The following PRKG1 variants were observed in gnomAD, a reference collection of about 807,000 sequenced individuals.
PRKG1 encodes cGMP-dependent protein kinase 1.
PRKG1 carries 35 observed loss-of-function variants against 88.1 expected under a neutral mutation model. The observed-to-expected ratio is 0.40, with a 90% confidence interval of 0.30 to 0.53. The LOEUF (loss-of-function observed/expected upper bound fraction) is 0.53, where lower values mean the gene tolerates loss of function less well. PRKG1 is among the 20% of genes least tolerant of loss of function. PRKG1 has a pLI of 0.59. For synonymous variants in PRKG1, 303 were observed against 292.5 expected (o/e 1.04, Z -0.37); for missense variants, 540 against 839.8 (o/e 0.64, Z 4.41).
intron 12 of PRKG1, among the ~76,000 whole-genome samples, chr10:52,277,190 G>A (rs1318776704): frequency 6.6e-6 from 1 of 152,070 alleles, no homozygotes; most frequent in Non-Finnish European, 1.5e-5. Flanking sequence ...GCTTTGATTG[G>A]CAGGCAATAA....
At chr10:52,179,341 G>T (rs1279284138) in intron 9 of PRKG1, among the ~76,000 whole-genome samples, 1 of 151,968 alleles carries the variant, frequency 6.6e-6, no homozygotes, top group African/African-American at 2.4e-5. Flanking sequence ...ATTACTGAAG[G>T]ATAGTTTAGC....
At chr10:51,600,270 C>T (rs1020507265) in intron 3 of PRKG1, among the ~76,000 whole-genome samples, 2 of 152,110 alleles carry the variant, frequency 1.3e-5, no homozygotes, top group Admixed American at 6.6e-5. Context: ...TTAATATGCT[C>T]ATTATTATAG....
intron 3 of PRKG1, among the ~76,000 whole-genome samples, chr10:51,560,692 TA>T (rs1837435888): frequency 6.6e-6 from 1 of 151,868 alleles, no homozygotes; most frequent in Non-Finnish European, 1.5e-5. Flanking sequence ...GAAAAGAAAA[TA>T]TTTTATATAT....
chr10:51,271,202 G>C (rs956950718), intron 2 of PRKG1, among the ~76,000 whole-genome samples: 2 of 151,950 alleles, frequency 1.3e-5, no homozygotes, highest in South Asian at 2.1e-4. Context: ...TAGATGGTTG[G>C]GGGGGAGTAA....
intron 5 of PRKG1, among the ~76,000 whole-genome samples, chr10:51,978,807 A>T (rs1284731606): frequency 2.0e-5 from 3 of 151,920 alleles, no homozygotes; most frequent in Non-Finnish European, 4.4e-5. Flanking sequence ...TTGTATGTTG[A>T]TTTTGTTTCC....
At chr10:51,260,121 T>C (rs1481068796) in intron 2 of PRKG1, among the ~76,000 whole-genome samples, 2 of 152,196 alleles carry the variant, frequency 1.3e-5, no homozygotes, top group East Asian at 3.9e-4. Flanking sequence ...TCTTACTGAT[T>C]GCGTGAACTG....
intron 2 of PRKG1, among the ~76,000 whole-genome samples, chr10:51,303,570 T>G (rs1006929884): frequency 6.6e-6 from 1 of 152,036 alleles, no homozygotes; most frequent in African/African-American, 2.4e-5. Flanking sequence ...GGATATTTAT[T>G]TAAAAATTCT....
chr10:52,267,401 A>T (rs1841602340), intron 10 of PRKG1, among the ~76,000 whole-genome samples: 1 of 152,098 alleles, frequency 6.6e-6, no homozygotes, highest in Admixed American at 6.6e-5. Flanking sequence ...AAAGATTCAG[A>T]CAATAATAAT....
At chr10:52,058,358 G>A (rs11813596) in intron 6 of PRKG1, among the ~76,000 whole-genome samples, 22,466 of 151,958 alleles carry the variant, frequency 0.15, 1,853 homozygotes, top group Non-Finnish European at 0.19. Flanking sequence ...CATATTAACA[G>A]TCTAAAGAAA....
intron 5 of PRKG1, among the ~76,000 whole-genome samples, chr10:51,992,035 T>G (rs1844324664): frequency 6.6e-6 from 1 of 152,224 alleles, no homozygotes; most frequent in Non-Finnish European, 1.5e-5. Context: ...TAAACTCTGT[T>G]TATAATTTGA....
At chr10:51,664,778 C>A (rs1196885511) in intron 3 of PRKG1, among the ~76,000 whole-genome samples, 1 of 152,104 alleles carries the variant, frequency 6.6e-6, no homozygotes, top group Non-Finnish European at 1.5e-5. Flanking sequence ...ACTTCCTGAA[C>A]ATCAATGTTC....
At chr10:51,398,838 C>T (rs1366074783) in intron 2 of PRKG1, among the ~76,000 whole-genome samples, 1 of 152,186 alleles carries the variant, frequency 6.6e-6, no homozygotes, top group East Asian at 1.9e-4. Flanking sequence ...AGAGGGATTT[C>T]CTTGTTCCTG....
chr10:52,039,788 A>G (rs1845710482), intron 5 of PRKG1, among the ~76,000 whole-genome samples: 1 of 152,144 alleles, frequency 6.6e-6, no homozygotes, highest in Non-Finnish European at 1.5e-5. Context: ...AAAATACACT[A>G]ATTTCACTTT....
chr10:52,204,102 TATTA>T (rs375146929), intron 9 of PRKG1, among the ~76,000 whole-genome samples: 78,796 of 143,558 alleles, frequency 0.55, 21,479 homozygotes, highest in Non-Finnish European at 0.64. Context: ...TTATTATTAT[TATTA>T]TTTTTTGTTT....
chr10:52,257,164 GA>G (rs1185943212), intron 10 of PRKG1, among the ~76,000 whole-genome samples: 1 of 138,962 alleles, frequency 7.2e-6, no homozygotes, highest in African/African-American at 2.5e-5. Flanking sequence ...GATTGCCCAG[GA>G]AAAGAAAATG....
intron 2 of PRKG1, among the ~76,000 whole-genome samples, chr10:51,328,428 T>G (rs1264926180): frequency 1.3e-5 from 2 of 152,224 alleles, no homozygotes; most frequent in African/African-American, 4.8e-5. Context: ...TGAATAGTGC[T>G]GCAATGAACA....
At chr10:51,090,171 CAT>C (rs1206294044) in intron 1 of PRKG1, among the ~76,000 whole-genome samples, 1 of 152,198 alleles carries the variant, frequency 6.6e-6, no homozygotes, top group African/African-American at 2.4e-5. Flanking sequence ...GTGCTCAAAA[CAT>C]AGTATGGGGC....
chr10:51,669,593 T>A (rs1391029095), intron 3 of PRKG1, among the ~76,000 whole-genome samples: 1 of 152,178 alleles, frequency 6.6e-6, no homozygotes, highest in Non-Finnish European at 1.5e-5. Flanking sequence ...TAACTAACAA[T>A]AAGCATCCAA....
intron 1 of PRKG1, among the ~76,000 whole-genome samples, chr10:51,144,315 A>G (rs1198859039): frequency 1.3e-5 from 2 of 152,124 alleles, no homozygotes; most frequent in African/African-American, 2.4e-5. Flanking sequence ...GAAGTCAAAC[A>G]GATTTATCTT....
Sources: gnomAD v4.1 joint callset for allele counts (sites outside exome capture counted in the v4.1 genomes callset) on GRCh38, gnomAD v4.1.1 for gene constraint, MANE v1.5 for transcripts, NCBI Gene and HGNC (gene_info 2026-07-23, HGNC 2026-07-21) for gene names.